KIF5C: variants seen among roughly 807,000 people sequenced by gnomAD.
KIF5C encodes kinesin family member 5C, also known as kinesin heavy chain isoform 5C.
KIF5C carries 18 observed loss-of-function variants against 125.2 expected under a neutral mutation model. The ratio of observed to expected loss-of-function variants is 0.14; its 90% CI spans 0.10 to 0.21. The LOEUF (loss-of-function observed/expected upper bound fraction) is 0.21. Ranked by LOEUF, KIF5C falls within the 10% of genes least tolerant of loss-of-function variation. The pLI is 1.00. For missense variants in KIF5C, 780 were observed against 1,183.8 expected (o/e 0.66, Z 5.01); for synonymous variants, 405 against 434.0 (o/e 0.93, Z 0.83).
chr2:148,988,039 T>C (rs1215084971), intron 15 of KIF5C, among the ~76,000 whole-genome samples: 1 of 152,066 alleles, frequency 6.6e-6, no homozygotes, highest in Non-Finnish European at 1.5e-5. Flanking sequence ...TTCATGACGG[T>C]GTGGTCTTTT....
chr2:149,007,905 TG>T, intron 22 of KIF5C, 57 bp from the exon 23 acceptor site: 2 of 1,265,086 alleles, frequency 1.6e-6, no homozygotes, highest in Non-Finnish European at 2.1e-6. Flanking sequence ...CACATTATCC[TG>T]GGGCGGAGGG....
intron 2 of KIF5C, among the ~76,000 whole-genome samples, chr2:148,928,539 C>T (rs1001244448): frequency 1.3e-5 from 2 of 152,192 alleles, no homozygotes; most frequent in East Asian, 1.9e-4. Flanking sequence ...CCTCCACCCT[C>T]GAGCCTCCCC....
rs150862030 is a variant in KIF5C, at chr2:148,983,842, A to G, written c.1716+76A>G. ...GGGTCTGTGCTTTACTCTTTTAAGC[A>G]TTCAATGCTTAGCACTGTGCTTTGC... On this transcript the variant is annotated intron_variant, in intron 15 of 25. Transcript: ENST00000435030. 2.7e-4 allele frequency: 390 copies of G among 1,446,330 alleles called. 1 individual carries two copies. The African/African-American group carries it at 4.6e-3, about 17-fold the overall frequency. 89.6% of individuals were successfully genotyped at this position (1,446,330 alleles called of 1,614,324 possible).
intron 10 of KIF5C, among the ~76,000 whole-genome samples, chr2:148,957,591 G>A (rs1342467859): frequency 1.7e-5 from 1 of 58,944 alleles, no homozygotes. Flanking sequence ...GTTTGTTCTA[G>A]TAAAAAAAAA....
At chr2:148,904,934 A>G (rs1681045778) in intron 1 of KIF5C, among the ~76,000 whole-genome samples, 1 of 152,224 alleles carries the variant, frequency 6.6e-6, no homozygotes, top group Non-Finnish European at 1.5e-5. Context: ...GAATCTACCA[A>G]AGACAAAGCT....
intron 1 of KIF5C, among the ~76,000 whole-genome samples, chr2:148,880,042 C>T (rs565951207): frequency 1.5e-4 from 23 of 152,292 alleles, no homozygotes; most frequent in Admixed American, 5.2e-4. Flanking sequence ...CACCTTAAAA[C>T]TTTTCTTCTT....
At chr2:149,010,742 T>C (rs1427325173) in intron 24 of KIF5C, among the ~76,000 whole-genome samples, 2 of 152,064 alleles carry the variant, frequency 1.3e-5, no homozygotes, top group South Asian at 2.1e-4. Context: ...AAGGAGCCCA[T>C]ATGTAGCCAG....
intron 3 of KIF5C, among the ~76,000 whole-genome samples, chr2:148,935,255 T>TG (rs906347750): frequency 5.9e-5 from 9 of 152,178 alleles, no homozygotes; most frequent in African/African-American, 2.2e-4. Context: ...CAGGAATCAA[T>TG]GGGGAGATAA....
intron 4 of KIF5C, among the ~76,000 whole-genome samples, chr2:148,940,161 C>G (rs1682374528): frequency 6.6e-6 from 1 of 152,034 alleles, no homozygotes; most frequent in Non-Finnish European, 1.5e-5. Context: ...TGCGCTGAAC[C>G]AGGGTGGAGT....
rs1455110709 is a variant in KIF5C, at chr2:148,992,143, A to G, written c.1905+945A>G. Among the ~76,000 whole-genome samples, 4 of 152,230 alleles carry G rather than the reference A, an allele frequency of 2.6e-5. No homozygotes were observed. In the East Asian group the frequency reaches 7.7e-4, roughly 29 times the overall value. On this transcript the variant is annotated intron_variant, in intron 16 of 25. Transcript: ENST00000435030. Reference sequence around the variant, plus strand: ...TTCTGGTATGCTTTTAACCATAATAATGTGTAATCATAGAAACATCTCCAA... The same window carrying G: ...TTCTGGTATGCTTTTAACCATAATAGTGTGTAATCATAGAAACATCTCCAA...
rs758505102 is a variant in KIF5C, at chr2:149,026,162, A to G, written c.*3092A>G. On this transcript the variant is annotated 3_prime_UTR_variant, in exon 26 of 26. Transcript: ENST00000435030. ...GACATTTGGACTCTAGCTATATGAC[A>G]TACTGGGAAAGGCAGAGGGTGGAGG... is the stretch of plus-strand genomic sequence containing the variant. The G allele has an allele frequency of 1.3e-5, 2 of 152,608 alleles. No individual in the cohort carries two copies. The highest frequency in any genetic ancestry group is 2.9e-5 in the Non-Finnish European group (2 of 68,036). The allele number at this position is 152,608 out of a possible 1,614,324, so 9.5% of individuals were successfully genotyped here.
intron 1 of KIF5C, among the ~76,000 whole-genome samples, chr2:148,897,405 T>C (rs887797221): frequency 6.6e-6 from 1 of 152,178 alleles, no homozygotes; most frequent in East Asian, 1.9e-4. Flanking sequence ...CCTAGCTCAT[T>C]TGAAGGGCTG....
intron 1 of KIF5C, among the ~76,000 whole-genome samples, chr2:148,905,656 T>G (rs1681075786): frequency 6.6e-6 from 1 of 152,166 alleles, no homozygotes; most frequent in Admixed American, 6.5e-5. Context: ...CATGTAGTCA[T>G]GCTTTTAGCT....
Position 148,978,911 on chromosome 2 carries a change from T to A in KIF5C, c.1294-11T>A. On this transcript the variant is annotated splice_polypyrimidine_tract_variant and intron_variant, in intron 12 of 25. Transcript: ENST00000435030. ...ACTAACCAAAAAAACAAACATGATG[T>A]TTCGTTTCAGGATGATGAAATTAAC... The A allele has an allele frequency of 6.3e-7, 1 of 1,581,598 alleles. No homozygotes were observed. The highest frequency in any genetic ancestry group is 8.6e-7 in the Non-Finnish European group (1 of 1,166,456).
chr2:148,880,225 A>G (rs933508089), intron 1 of KIF5C, among the ~76,000 whole-genome samples: 3 of 152,088 alleles, frequency 2.0e-5, no homozygotes, highest in African/African-American at 7.2e-5. Flanking sequence ...GGTTCAAGCA[A>G]TTCTCCTGCC....
At chr2:148,901,815 G>GAA (rs1183460459) in intron 1 of KIF5C, among the ~76,000 whole-genome samples, 1 of 152,038 alleles carries the variant, frequency 6.6e-6, no homozygotes, top group African/African-American at 2.4e-5. Context: ...ATCAATCTCT[G>GAA]ACATTTCAGA....
chr2:148,877,594 G>C (rs1681228141), intron 1 of KIF5C, among the ~76,000 whole-genome samples: 1 of 152,280 alleles, frequency 6.6e-6, no homozygotes, highest in African/African-American at 2.4e-5. Flanking sequence ...GAGTTACTGG[G>C]GACATCTAGT....
At chr2:149,008,294 G>C (rs1451886525) in intron 23 of KIF5C, among the ~76,000 whole-genome samples, 6 of 152,166 alleles carry the variant, frequency 3.9e-5, no homozygotes. Flanking sequence ...ATAACGCATA[G>C]GGTTTGAGCT....
intron 12 of KIF5C, among the ~76,000 whole-genome samples, chr2:148,975,377 G>A (rs541668734): frequency 6.6e-6 from 1 of 152,286 alleles, no homozygotes; most frequent in South Asian, 2.1e-4. Context: ...GGTGGGATAT[G>A]GCACCTTCTT....
Sources: allele counts gnomAD v4.1 joint callset (sites outside exome capture counted in the v4.1 genomes callset), GRCh38; gene constraint gnomAD v4.1.1; transcripts MANE v1.5; gene names NCBI Gene and HGNC (gene_info 2026-07-23, HGNC 2026-07-21).